ROBO1: variants seen among roughly 807,000 people sequenced by gnomAD.
ROBO1 encodes the protein roundabout homolog 1.
A neutral mutation model predicts 195.9 loss-of-function variants in ROBO1; 149 were observed. The ratio of observed to expected loss-of-function variants is 0.76; its 90% CI spans 0.67 to 0.87. The LOEUF is 0.87. Among genes scored for constraint, ROBO1 ranks in the 40% least tolerant of loss-of-function variants. ROBO1 has a pLI of 0.00. For missense variants in ROBO1, 1,933 were observed against 2,068.3 expected (o/e 0.93, Z 1.27); for synonymous variants, 816 against 733.2 (o/e 1.11, Z -1.82).
chr3:78,885,940 T>TATATATATATATATATAC (rs1043908565), intron 4 of ROBO1, among the ~76,000 whole-genome samples: 32 of 140,798 alleles, frequency 2.3e-4, no homozygotes, highest in Non-Finnish European at 3.9e-4. Context: ...TATATATATA[T>TATATATATATATATATAC]ACATACATAT....
chr3:78,776,627 C>A (rs2083515748), intron 4 of ROBO1, among the ~76,000 whole-genome samples: 1 of 152,162 alleles, frequency 6.6e-6, no homozygotes, highest in African/African-American at 2.4e-5. Context: ...ACAAATAAAT[C>A]TTTCATTATT....
intron 2 of ROBO1, among the ~76,000 whole-genome samples, chr3:79,156,428 T>C (rs892649843): frequency 6.6e-6 from 1 of 151,830 alleles, no homozygotes; most frequent in Non-Finnish European, 1.5e-5. Context: ...ATTTTTCACA[T>C]TGTTACATAA....
intron 2 of ROBO1, among the ~76,000 whole-genome samples, chr3:79,562,038 C>T (rs1391240070): frequency 6.6e-6 from 1 of 152,088 alleles, no homozygotes; most frequent in Admixed American, 6.6e-5. Flanking sequence ...CTTAAATTGT[C>T]ACTCTAAAGT....
chr3:79,426,251 C>T (rs908854638), intron 2 of ROBO1, among the ~76,000 whole-genome samples: 2 of 152,066 alleles, frequency 1.3e-5, no homozygotes, highest in Admixed American at 1.3e-4. Flanking sequence ...TTGTACATCA[C>T]GATGTAACAC....
chr3:79,764,409 C>T (rs1435685819), intron 1 of ROBO1, among the ~76,000 whole-genome samples: 1 of 152,142 alleles, frequency 6.6e-6, no homozygotes, highest in East Asian at 1.9e-4. Context: ...TCTGTGGTCT[C>T]AGAAAGAGGA....
chr3:78,657,737 G>C (rs763700863), intron 17 of ROBO1, among the ~76,000 whole-genome samples: 1 of 152,140 alleles, frequency 6.6e-6, no homozygotes, highest in Non-Finnish European at 1.5e-5. Flanking sequence ...GCCAAGCCTC[G>C]TACTTCAACA....
intron 10 of ROBO1, among the ~76,000 whole-genome samples, chr3:78,674,581 G>A (rs1559729441): frequency 1.3e-5 from 2 of 152,194 alleles, no homozygotes. Context: ...CCCAGAGTTT[G>A]CAGGGTGAAA....
At chr3:79,695,765 T>G (rs1947427427) in intron 1 of ROBO1, among the ~76,000 whole-genome samples, 1 of 151,466 alleles carries the variant, frequency 6.6e-6, no homozygotes, top group Admixed American at 6.6e-5. Flanking sequence ...GAAATTATGT[T>G]GAAATGCTTT....
chr3:78,855,343 A>G (rs1193788439), intron 4 of ROBO1, among the ~76,000 whole-genome samples: 1 of 152,138 alleles, frequency 6.6e-6, no homozygotes, highest in Non-Finnish European at 1.5e-5. Context: ...TGATTAACGT[A>G]AGTCTACTCT....
chr3:78,725,375 T>TA (rs3836363), intron 5 of ROBO1, among the ~76,000 whole-genome samples: 1 of 151,898 alleles, frequency 6.6e-6, no homozygotes, highest in African/African-American at 2.4e-5. Flanking sequence ...AGTCTCAGGT[T>TA]AAAAAAAATG....
At chr3:78,755,989 T>C (rs1576097200) in intron 4 of ROBO1, among the ~76,000 whole-genome samples, 2 of 152,122 alleles carry the variant, frequency 1.3e-5, no homozygotes, top group Admixed American at 6.6e-5. Context: ...ACTTTAATTT[T>C]GGGGATGACA....
At chr3:79,732,767 A>G (rs1050671546) in intron 1 of ROBO1, among the ~76,000 whole-genome samples, 2 of 152,128 alleles carry the variant, frequency 1.3e-5, no homozygotes, top group African/African-American at 4.8e-5. Context: ...CTACTTTCAG[A>G]TGCCAATCAT....
At chr3:78,938,224 C>A in intron 4 of ROBO1, 1 of 235,032 alleles carries the variant, frequency 4.3e-6, no homozygotes, top group East Asian at 1.1e-4. Flanking sequence ...AGCCCAGAAC[C>A]CCTGGGCTCA....
intron 29 of ROBO1, among the ~76,000 whole-genome samples, chr3:78,602,451 T>C (rs551895691): frequency 1.3e-5 from 2 of 152,280 alleles, no homozygotes; most frequent in African/African-American, 4.8e-5. Context: ...TTAAATCTCT[T>C]TCTTTTATAA....
intron 29 of ROBO1, among the ~76,000 whole-genome samples, chr3:78,605,143 T>C (rs1468525718): frequency 6.6e-6 from 1 of 152,242 alleles, no homozygotes; most frequent in Admixed American, 6.5e-5. Flanking sequence ...TTTTCCTCGC[T>C]TGGTTTACAT....
chr3:78,655,115 T>A (rs1706921420), intron 18 of ROBO1, among the ~76,000 whole-genome samples: 1 of 151,900 alleles, frequency 6.6e-6, no homozygotes, highest in Admixed American at 6.5e-5. Context: ...ATATAATCAT[T>A]GGTTTTTTTT....
intron 2 of ROBO1, among the ~76,000 whole-genome samples, chr3:79,412,181 T>C (rs2037795396): frequency 6.6e-6 from 1 of 152,138 alleles, no homozygotes; most frequent in South Asian, 2.1e-4. Flanking sequence ...AGCAGGTATA[T>C]TCTCAACAAG....
chr3:79,449,956 C>G (rs1261642903), intron 2 of ROBO1, among the ~76,000 whole-genome samples: 1 of 151,910 alleles, frequency 6.6e-6, no homozygotes, highest in East Asian at 1.9e-4. Flanking sequence ...GAAACATACC[C>G]AAGAGTGACT....
intron 4 of ROBO1, among the ~76,000 whole-genome samples, chr3:78,760,789 G>A (rs2083079739): frequency 6.6e-6 from 1 of 151,884 alleles, no homozygotes. Flanking sequence ...CTGGAGGTGT[G>A]TGCTACTGTG....
Sources: gnomAD v4.1 joint callset for allele counts (sites outside exome capture counted in the v4.1 genomes callset) on GRCh38, gnomAD v4.1.1 for gene constraint, MANE v1.5 for transcripts, NCBI Gene and HGNC (gene_info 2026-07-23, HGNC 2026-07-21) for gene names.